The following VCAN variants were observed in gnomAD, a reference collection of about 807,000 sequenced individuals.
VCAN encodes versican core protein.
Under a neutral mutation model 245.5 loss-of-function variants are expected in VCAN, and 44 were observed. The ratio of observed to expected loss-of-function variants is 0.18; its 90% confidence interval spans 0.14 to 0.23. The LOEUF (loss-of-function observed/expected upper bound fraction) is 0.23. Ranked by LOEUF, VCAN falls within the 10% of genes least tolerant of loss-of-function variation. The pLI, the probability that VCAN is intolerant of heterozygous loss-of-function variation, is 1.00. For missense variants in VCAN, 3,793 were observed against 4,057.9 expected, an observed-to-expected ratio of 0.93 and a Z score of 1.77; for synonymous variants, 1,413 against 1,437.0, an observed-to-expected ratio of 0.98 and a Z score of 0.38.
In VCAN at chr5:83,541,701, C is replaced by A; in HGVS notation, c.8698C>A (p.Pro2900Thr). 5 of 1,613,958 alleles carry A rather than the reference C, an allele frequency of 3.1e-6. No individual in the cohort carries two copies. Among genetic ancestry groups the A allele is most frequent in the Non-Finnish European group, 4.2e-6 (5 of 1,179,990 alleles). Residue 2900 changes from proline (P) to threonine (T), a missense_variant, in exon 8 of 15, where the codon CCT (proline) becomes ACT (threonine). This residue lies in a region of VCAN where 3,182 missense variants were observed against 3,250.3 expected (regional missense o/e 0.98). Transcript: ENST00000265077. The part of the protein sequence containing the change: ...PSLSPDTKLE[P>T]SEDDGKPELL... ...TTTATCTCCTGACACAAAATTAGAACCTTCAGAAGATGATGGTAAACCTGA... is the reference window on the plus strand; with the variant it reads ...TTTATCTCCTGACACAAAATTAGAAACTTCAGAAGATGATGGTAAACCTGA...
rs1269329762 is a variant in VCAN at position 83,538,032 on chromosome 5, A to G, written c.5029A>G (p.Ile1677Val). 2 of 1,614,066 alleles carry G rather than the reference A, an allele frequency of 1.2e-6. No homozygotes were observed. The highest frequency in any genetic ancestry group is 1.7e-6 in the Non-Finnish European group (2 of 1,179,968). ...CATTACTTTAGACACTAGCAGGATA[A>G]TCACAGAAAGCTTTTTTGAGGTTCC... is the stretch of plus-strand genomic sequence containing the variant. ...TLITLDTSRI[I>V]TESFFEVPAT... is the part of the protein sequence containing the mutation. Residue 1677 changes from isoleucine (I) to valine (V), a missense_variant, in exon 8 of 15, where the codon ATC (isoleucine) becomes GTC (valine). Around this residue, in one of 5 missense-constraint regions of VCAN, gnomAD observed 3,182 missense variants for 3,250.3 expected, o/e 0.98. Coordinates refer to ENST00000265077, the MANE Select transcript of VCAN (RefSeq NM_004385.5).
At chr5:83,554,887 T>C in intron 11 of VCAN, 69 bp from the exon 12 acceptor site, 2 of 1,402,210 alleles carry the variant, frequency 1.4e-6, no homozygotes, top group South Asian at 2.3e-5. Flanking sequence ...GAAAATAATT[T>C]TCTTTGATAT....
chr5:83,560,789 G>A (rs1747836353), intron 12 of VCAN, among the ~76,000 whole-genome samples: 1 of 152,026 alleles, frequency 6.6e-6, no homozygotes, highest in Non-Finnish European at 1.5e-5. Flanking sequence ...TGGACCCTCT[G>A]GAGTAAGATT....
At chr5:83,564,123 G>A (rs1220932826) in intron 12 of VCAN, among the ~76,000 whole-genome samples, 2 of 152,192 alleles carry the variant, frequency 1.3e-5, no homozygotes, top group African/African-American at 2.4e-5. Context: ...TTCTTGCAAA[G>A]TGTTCTCTTT....
chr5:83,497,227 TTTAA>T (rs1391697916), intron 5 of VCAN, among the ~76,000 whole-genome samples: 3 of 152,224 alleles, frequency 2.0e-5, no homozygotes, highest in Non-Finnish European at 4.4e-5. Context: ...TCCGTTTTAA[TTTAA>T]TTATTTATTG....
chr5:83,519,944 T>C lies in VCAN; in HGVS notation c.1638T>C (p.Gly546=). The stretch of plus-strand genomic sequence containing the variant: ...CTGTTTCTGAATTGGTAACCACAGG[T>C]CACTATGGATTCACCTTGGGAGAAG... ...VSTVSELVTT[G]HYGFTLGEED... Residue 546 remains glycine (G), a synonymous_variant, in exon 7 of 15, where the codon GGT becomes GGC. Transcript: ENST00000265077. 6.2e-7 allele frequency: 1 copy of C among 1,614,018 alleles called. No homozygotes were observed. Among genetic ancestry groups the C allele is most frequent in the Admixed American group, 1.7e-5 (1 of 60,008 alleles).
At chr5:83,550,753 G>T (rs960281922) in intron 10 of VCAN, among the ~76,000 whole-genome samples, 2 of 151,900 alleles carry the variant, frequency 1.3e-5, no homozygotes, top group African/African-American at 2.4e-5. Flanking sequence ...CGGGTGTGGT[G>T]GCGGGTGCCT....
Position 83,471,988 on chromosome 5 carries a change from AT to A in VCAN, c.-38del, listed in dbSNP as rs1744208381. 1 of 384,612 alleles carries A rather than the reference AT, an allele frequency of 2.6e-6. No individual in the cohort carries two copies. Among genetic ancestry groups the A allele is most frequent in the Non-Finnish European group, 4.6e-6 (1 of 217,850 alleles). The allele number at this position is 384,612 out of a possible 1,614,324, so 23.8% of individuals were successfully genotyped here. A position where few individuals can be genotyped will look rare whatever the true frequency, so the allele number is the denominator to read the frequency against. ...ACCCAGTCGCGCAGCGCTGCAGTGA[AT>A]TTTCCCCCCAAACTGCAATAAGCCG... On this transcript the variant is annotated 5_prime_UTR_variant, in exon 1 of 15. Transcript: ENST00000265077.
chr5:83,496,026 T>C (rs1745149810), intron 5 of VCAN, among the ~76,000 whole-genome samples: 1 of 152,214 alleles, frequency 6.6e-6, no homozygotes. Context: ...GGAGGGATTT[T>C]ATAGAAGTCC....
intron 5 of VCAN, among the ~76,000 whole-genome samples, chr5:83,506,882 C>T (rs1486834131): frequency 6.6e-6 from 1 of 152,084 alleles, no homozygotes; most frequent in Non-Finnish European, 1.5e-5. Flanking sequence ...GAAGCAAAAG[C>T]AGAAAGCCCC....
At chr5:83,499,039 C>T (rs1334151157) in intron 5 of VCAN, among the ~76,000 whole-genome samples, 1 of 152,016 alleles carries the variant, frequency 6.6e-6, no homozygotes, top group South Asian at 2.1e-4. Flanking sequence ...CCTTTGCTTG[C>T]TCCTGCTTGC....
At chr5:83,544,318 TA>T (rs1747117762) in intron 8 of VCAN, among the ~76,000 whole-genome samples, 1 of 152,238 alleles carries the variant, frequency 6.6e-6, no homozygotes, top group Admixed American at 6.5e-5. Context: ...AACCTAATTT[TA>T]ACGTGAATCC....
chr5:83,520,528 T>C lies in VCAN; in HGVS notation c.2222T>C (p.Val741Ala). The C allele has an allele frequency of 6.2e-7, 1 of 1,614,068 alleles. No homozygotes were observed. Among genetic ancestry groups the C allele is most frequent in the South Asian group, 1.1e-5 (1 of 91,082 alleles). ...CCAATTCATGTTACAGAGTCTTCTG[T>C]GGAAATGACCAAGTCTTTTGATTTC... ...SEPIHVTESS[V>A]EMTKSFDFPT... is the part of the protein sequence containing the mutation. Residue 741 changes from valine to alanine, a missense_variant, in exon 7 of 15, where the codon GTG (valine) becomes GCG (alanine). Coordinates refer to ENST00000265077, the MANE Select transcript of VCAN (RefSeq NM_004385.5).
chr5:83,557,471 G>A (rs1747717699), intron 12 of VCAN, among the ~76,000 whole-genome samples: 1 of 152,096 alleles, frequency 6.6e-6, no homozygotes, highest in South Asian at 2.1e-4. Flanking sequence ...TGTGGATTCT[G>A]TAGAGTATCT....
chr5:83,524,005 T>C (rs1746198523), intron 7 of VCAN, among the ~76,000 whole-genome samples: 1 of 152,154 alleles, frequency 6.6e-6, no homozygotes, highest in South Asian at 2.1e-4. Context: ...GTTTTTCAAT[T>C]GATACTACTC....
chr5:83,525,525 G>A (rs542658542), intron 7 of VCAN, among the ~76,000 whole-genome samples: 2 of 152,164 alleles, frequency 1.3e-5, no homozygotes, highest in South Asian at 2.1e-4. Flanking sequence ...AGAAATGTAT[G>A]GATATTAAAT....
At chr5:83,501,969 A>G (rs539861193) in intron 5 of VCAN, among the ~76,000 whole-genome samples, 31 of 152,262 alleles carry the variant, frequency 2.0e-4, no homozygotes, top group African/African-American at 6.5e-4. Context: ...ATTTTATTCA[A>G]CAATATTTTG....
chr5:83,526,372 A>G (rs921398844), intron 7 of VCAN, among the ~76,000 whole-genome samples: 1 of 152,238 alleles, frequency 6.6e-6, no homozygotes, highest in Admixed American at 6.5e-5. Flanking sequence ...ATTTGTTATT[A>G]TAAGATCCAG....
chr5:83,550,300 A>T (rs376503945), intron 10 of VCAN, among the ~76,000 whole-genome samples: 2 of 152,180 alleles, frequency 1.3e-5, no homozygotes, highest in South Asian at 2.1e-4. Context: ...CACACTACAA[A>T]TCTGGGTTTG....
Sources: allele counts gnomAD v4.1 joint callset (sites outside exome capture counted in the v4.1 genomes callset), GRCh38; gene constraint gnomAD v4.1.1; regional missense constraint gnomAD v4.1.1; transcripts MANE v1.5; gene names NCBI Gene and HGNC (gene_info 2026-07-23, HGNC 2026-07-21).